TBC1D5: variants seen among roughly 807,000 people sequenced by gnomAD.
TBC1D5 encodes TBC1 domain family member 5.
In TBC1D5, 75 loss-of-function variants were observed where a neutral mutation model predicts 100.3. The observed-to-expected ratio is 0.75, with a 90% CI of 0.62 to 0.91. The LOEUF is 0.91. Among genes scored for constraint, TBC1D5 ranks in the 40% least tolerant of loss-of-function variants. The pLI is 0.00. For synonymous variants in TBC1D5, 323 were observed against 325.6 expected (o/e 0.99, Z 0.09); for missense variants, 910 against 942.4 (o/e 0.97, Z 0.45).
chr3:17,442,970 A>G (rs549133401), intron 3 of TBC1D5, among the ~76,000 whole-genome samples: 4 of 152,256 alleles, frequency 2.6e-5, no homozygotes, highest in African/African-American at 9.6e-5. Context: ...AAGGGAAGAG[A>G]GGAAGGAGAA....
chr3:17,519,995 A>C (rs2096045552), intron 2 of TBC1D5, among the ~76,000 whole-genome samples: 1 of 152,194 alleles, frequency 6.6e-6, no homozygotes, highest in Non-Finnish European at 1.5e-5. Flanking sequence ...GGTGAAAATT[A>C]CCACCATGAT....
chr3:17,665,363 A>G (rs1397193245), intron 1 of TBC1D5, among the ~76,000 whole-genome samples: 1 of 152,218 alleles, frequency 6.6e-6, no homozygotes, highest in African/African-American at 2.4e-5. Context: ...AAAAGTTTGC[A>G]AACTGAAAGT....
intron 1 of TBC1D5, among the ~76,000 whole-genome samples, chr3:17,659,983 G>A (rs755559521): frequency 9.9e-5 from 15 of 151,824 alleles, no homozygotes; most frequent in Non-Finnish European, 1.6e-4. Flanking sequence ...TTCCTTTGGC[G>A]GAGGGACAAA....
intron 15 of TBC1D5, among the ~76,000 whole-genome samples, chr3:17,285,218 CAA>C (rs981328423): frequency 6.8e-6 from 1 of 147,144 alleles, no homozygotes; most frequent in Non-Finnish European, 1.5e-5. Context: ...GCATCATCCT[CAA>C]AGAGTCACTA....
intron 15 of TBC1D5, among the ~76,000 whole-genome samples, chr3:17,265,521 C>T (rs1379113249): frequency 1.3e-5 from 2 of 151,982 alleles, no homozygotes; most frequent in Non-Finnish European, 2.9e-5. Context: ...TATGTTATTG[C>T]CTCAATGCTG....
intron 17 of TBC1D5, among the ~76,000 whole-genome samples, chr3:17,223,374 G>C (rs950645588): frequency 4.6e-5 from 7 of 152,250 alleles, no homozygotes; most frequent in Admixed American, 2.6e-4. Flanking sequence ...TCAGCAATGT[G>C]ATATTTGCAA....
intron 15 of TBC1D5, among the ~76,000 whole-genome samples, chr3:17,282,960 T>C (rs2080771369): frequency 6.6e-6 from 1 of 152,224 alleles, no homozygotes; most frequent in South Asian, 2.1e-4. Flanking sequence ...ATTCTTTGGG[T>C]CTCTGAGGCG....
chr3:17,447,279 G>A (rs2094821327), intron 3 of TBC1D5, among the ~76,000 whole-genome samples: 1 of 152,218 alleles, frequency 6.6e-6, no homozygotes, highest in Non-Finnish European at 1.5e-5. Context: ...GCTGAAAGAA[G>A]TGGTGGGATC....
chr3:17,645,233 T>C (rs780971928), intron 1 of TBC1D5, among the ~76,000 whole-genome samples: 4 of 152,104 alleles, frequency 2.6e-5, no homozygotes, highest in African/African-American at 4.8e-5. Context: ...AACAGCTTCC[T>C]ATTTTCTCAG....
At chr3:17,722,713 A>T (rs1442932735) in intron 1 of TBC1D5, among the ~76,000 whole-genome samples, 1 of 152,224 alleles carries the variant, frequency 6.6e-6, no homozygotes, top group African/African-American at 2.4e-5. Context: ...CAAATGAGAA[A>T]ACTAAGTCTC....
rs559298307 is a variant in TBC1D5 at position 17,286,392 on chromosome 3, A to AT, written c.1245+5502dup. On this transcript the variant is annotated intron_variant, in intron 15 of 21. Transcript: ENST00000253692. ...CTTTTGTTTCTAATTGGGTTTTAAC[A>AT]TTTTTTTTGAATGTGAGCAACTAGC... Among the ~76,000 whole-genome samples, 244 of 152,040 alleles carry AT rather than the reference A, an allele frequency of 1.6e-3. 2 individuals are homozygous for AT. The highest frequency in any genetic ancestry group is 5.2e-3 in the African/African-American group (214 of 41,490).
At chr3:17,537,870 T>C (rs555430666) in intron 2 of TBC1D5, among the ~76,000 whole-genome samples, 2 of 152,166 alleles carry the variant, frequency 1.3e-5, no homozygotes, top group Non-Finnish European at 2.9e-5. Context: ...TCGTTCAACT[T>C]AGAAGTTTAT....
intron 13 of TBC1D5, among the ~76,000 whole-genome samples, chr3:17,329,464 T>C (rs2086610044): frequency 6.6e-6 from 1 of 152,186 alleles, no homozygotes; most frequent in South Asian, 2.1e-4. Flanking sequence ...CTTGGTGGTT[T>C]TATTTTTCAT....
intron 15 of TBC1D5, among the ~76,000 whole-genome samples, chr3:17,273,929 T>C (rs2079693696): frequency 1.3e-5 from 2 of 151,822 alleles, no homozygotes; most frequent in Non-Finnish European, 2.9e-5. Context: ...CACCAAGCCT[T>C]GTTGATACTC....
At chr3:17,509,996 A>G (rs531737102) in intron 2 of TBC1D5, among the ~76,000 whole-genome samples, 1 of 152,124 alleles carries the variant, frequency 6.6e-6, no homozygotes, top group East Asian at 1.9e-4. Context: ...TCAAATCATA[A>G]CTCTTTCAAA....
chr3:17,619,423 AG>A (rs1417947052), intron 2 of TBC1D5, among the ~76,000 whole-genome samples: 1 of 152,272 alleles, frequency 6.6e-6, no homozygotes, highest in Non-Finnish European at 1.5e-5. Flanking sequence ...ATGAACAGGC[AG>A]AACAGTGCAA....
At chr3:17,629,746 C>A (rs2063342517) in intron 1 of TBC1D5, among the ~76,000 whole-genome samples, 1 of 152,118 alleles carries the variant, frequency 6.6e-6, no homozygotes, top group South Asian at 2.1e-4. Flanking sequence ...AGTTGACAGG[C>A]AACAAGAAAA....
chr3:17,650,781 C>G (rs933845474), intron 1 of TBC1D5, among the ~76,000 whole-genome samples: 1 of 152,140 alleles, frequency 6.6e-6, no homozygotes, highest in Non-Finnish European at 1.5e-5. Flanking sequence ...AAAATCTTAG[C>G]TGGTAACTCA....
At chr3:17,297,067 A>G (rs1016586631) in intron 14 of TBC1D5, among the ~76,000 whole-genome samples, 3 of 152,242 alleles carry the variant, frequency 2.0e-5, no homozygotes, top group African/African-American at 7.2e-5. Context: ...GGCAGTAAGT[A>G]AGCAAGTATA....
Sources: gnomAD v4.1 joint callset for allele counts (sites outside exome capture counted in the v4.1 genomes callset) on GRCh38, gnomAD v4.1.1 for gene constraint, MANE v1.5 for transcripts, NCBI Gene and HGNC (gene_info 2026-07-23, HGNC 2026-07-21) for gene names.